The following MYO1D variants were observed in gnomAD, a reference collection of about 807,000 sequenced individuals.
MYO1D encodes myosin ID.
A neutral mutation model predicts 122.0 loss-of-function variants in MYO1D; 83 were observed. The observed-to-expected ratio is 0.68, with a 90% confidence interval of 0.57 to 0.82. The LOEUF (loss-of-function observed/expected upper bound fraction) is 0.82, where lower values mean the gene tolerates loss of function less well. Ranked by LOEUF, MYO1D falls within the 40% of genes least tolerant of loss-of-function variation. MYO1D has a pLI of 0.00. For missense variants in MYO1D, 1,157 were observed against 1,269.5 expected (o/e 0.91, Z 1.35); for synonymous variants, 464 against 446.9 (o/e 1.04, Z -0.48).
At chr17:32,821,669 C>T (rs934291333) in intron 1 of MYO1D, among the ~76,000 whole-genome samples, 4 of 152,078 alleles carry the variant, frequency 2.6e-5, no homozygotes, top group African/African-American at 9.6e-5. Flanking sequence ...AATTCAAACT[C>T]GTCCATACTA....
In MYO1D at chr17:32,695,237, A is replaced by G. The variant is rs1173518278; in HGVS notation, c.2121+16751T>C. Among the ~76,000 whole-genome samples, 6 of 152,348 alleles carry G rather than the reference A, an allele frequency of 3.9e-5. 1 individual carries two copies. Among genetic ancestry groups the G allele is most frequent in the Middle Eastern group, 6.8e-3 (2 of 294 alleles). ...GATTCTCATAAAGAGCGCACAGCCT[A>G]GATCCCTTGCATGCGCAGTTCACCA... On this transcript the variant is annotated intron_variant, in intron 16 of 21. Transcript: ENST00000318217.
At position 32,653,979 on chromosome 17, in the gene MYO1D, T is replaced by C. The variant is rs754185542; in HGVS notation, c.2491-32A>G. 1.3e-5 allele frequency: 20 copies of C among 1,542,092 alleles called. No individual in the cohort carries two copies. The Admixed American group carries it at 3.5e-4, about 27-fold the overall frequency. The stretch of plus-strand genomic sequence containing the variant: ...GAGAAAGGAAACAAGACAAAATGAG[T>C]ATGCTTAGCATTTTAGAAGGAAAGG... On this transcript the variant is annotated intron_variant, in intron 18 of 21. Transcript: ENST00000318217.
chr17:32,623,404 T>C (rs192076523), intron 20 of MYO1D, among the ~76,000 whole-genome samples: 4,696 of 152,270 alleles, frequency 0.031, 103 homozygotes, highest in Middle Eastern at 0.058. Flanking sequence ...AGGACCAGTA[T>C]AGGCCACCTC....
intron 21 of MYO1D, among the ~76,000 whole-genome samples, chr17:32,543,015 A>C (rs537216123): frequency 5.6e-4 from 85 of 152,240 alleles, no homozygotes; most frequent in Middle Eastern, 3.4e-3. Flanking sequence ...TCACGAGGTC[A>C]GGAGATCGAG....
chr17:32,768,212 T>C (rs1238704836), intron 6 of MYO1D, among the ~76,000 whole-genome samples: 2 of 152,232 alleles, frequency 1.3e-5, no homozygotes, highest in Admixed American at 1.3e-4. Context: ...GGCGGTTTAT[T>C]TTCCAGGTGA....
intron 10 of MYO1D, chr17:32,759,772 T>C (rs1485192579): frequency 8.4e-6 from 2 of 237,076 alleles, no homozygotes; most frequent in African/African-American, 4.5e-5. Flanking sequence ...AAAGATTGAT[T>C]AGAGTAGAGG....
At position 32,836,855 on chromosome 17, in the gene MYO1D, C is replaced by T. The variant is rs1408570453; in HGVS notation, c.95+39923G>A. Among the ~76,000 whole-genome samples, 3 of 152,068 alleles carry T rather than the reference C, an allele frequency of 2.0e-5. No homozygotes were observed. In the East Asian group the frequency reaches 5.8e-4, roughly 29 times the overall value. The stretch of plus-strand genomic sequence containing the variant: ...AGTTTGAATGAAGCTACTCTTTTTA[C>T]ACTTTTAAAAGTCTCTTGGTAGACA... On this transcript the variant is annotated intron_variant, in intron 1 of 21. Coordinates refer to ENST00000318217, the MANE Select transcript of MYO1D (RefSeq NM_015194.3).
At chr17:32,764,816 G>A (rs2090038188) in intron 8 of MYO1D, 62 bp downstream of exon 8, 1 of 1,522,832 alleles carries the variant, frequency 6.6e-7, no homozygotes. Flanking sequence ...ATGCTCACAG[G>A]ATTTCACTCA....
At chr17:32,571,237 G>A (rs62062513) in intron 21 of MYO1D, among the ~76,000 whole-genome samples, 39,002 of 151,928 alleles carry the variant, frequency 0.26, 5,860 homozygotes, top group South Asian at 0.39. Flanking sequence ...GGAGTGGGGC[G>A]TGGAAGCAGG....
At chr17:32,733,479 C>T (rs187532372) in intron 14 of MYO1D, among the ~76,000 whole-genome samples, 1 of 152,304 alleles carries the variant, frequency 6.6e-6, no homozygotes, top group East Asian at 1.9e-4. Context: ...TTCACACCCC[C>T]TCCACCCATG....
intron 17 of MYO1D, among the ~76,000 whole-genome samples, chr17:32,656,993 T>A (rs1000338410): frequency 2.6e-5 from 4 of 152,206 alleles, no homozygotes; most frequent in Non-Finnish European, 5.9e-5. Flanking sequence ...CACTGGGGGA[T>A]TCAGGACCTG....
intron 1 of MYO1D, among the ~76,000 whole-genome samples, chr17:32,851,157 C>T (rs2090984329): frequency 6.6e-6 from 1 of 152,138 alleles, no homozygotes; most frequent in Admixed American, 6.5e-5. Flanking sequence ...TTCACTCTCA[C>T]CTCAAGTCGA....
At position 32,763,717 on chromosome 17, in the gene MYO1D, C is replaced by T. The variant is rs539873189; in HGVS notation, c.1035+1161G>A. On this transcript the variant is annotated intron_variant, in intron 8 of 21. Coordinates refer to ENST00000318217, the MANE Select transcript of MYO1D (RefSeq NM_015194.3). ...GGTAGATCGCTTGAGGTCAGGAGTC[C>T]GAGACCAGCCTGGTCAACATGGTGA... Among the ~76,000 whole-genome samples, 101 of 152,182 alleles carry T rather than the reference C, an allele frequency of 6.6e-4. 2 individuals are homozygous for T. The highest frequency in any genetic ancestry group is 2.1e-3 in the South Asian group (10 of 4,824).
At chr17:32,825,977 A>G (rs2090718627) in intron 1 of MYO1D, among the ~76,000 whole-genome samples, 1 of 146,626 alleles carries the variant, frequency 6.8e-6, no homozygotes, top group South Asian at 2.2e-4. Context: ...TCAGCCCAGG[A>G]GTTTGAGCTT....
At chr17:32,781,242 T>C (rs2090234598) in intron 1 of MYO1D, among the ~76,000 whole-genome samples, 1 of 152,186 alleles carries the variant, frequency 6.6e-6, no homozygotes, top group South Asian at 2.1e-4. Context: ...AGTAAATTAA[T>C]ATAAACAGTA....
chr17:32,823,998 T>C (rs543344684), intron 1 of MYO1D, among the ~76,000 whole-genome samples: 68 of 135,850 alleles, frequency 5.0e-4, no homozygotes, highest in Admixed American at 4.1e-3. Flanking sequence ...ACCCGGGAGG[T>C]GGAGCTTGCA....
At chr17:32,519,602 A>G (rs1448285957) in intron 21 of MYO1D, among the ~76,000 whole-genome samples, 1 of 151,692 alleles carries the variant, frequency 6.6e-6, no homozygotes, top group African/African-American at 2.4e-5. Flanking sequence ...CCCTCCTTGC[A>G]GCCCCCCGCA....
intron 21 of MYO1D, among the ~76,000 whole-genome samples, chr17:32,507,591 A>AT (rs1264432260): frequency 6.6e-6 from 1 of 152,244 alleles, no homozygotes; most frequent in Non-Finnish European, 1.5e-5. Context: ...GTGCAGTAAA[A>AT]TTAGAAATCA....
intron 2 of MYO1D, among the ~76,000 whole-genome samples, chr17:32,779,191 G>A (rs2090210666): frequency 6.6e-6 from 1 of 151,982 alleles, no homozygotes; most frequent in African/African-American, 2.4e-5. Context: ...AATTCCACTG[G>A]TAGAAATTTC....
Sources: allele counts gnomAD v4.1 joint callset (sites outside exome capture counted in the v4.1 genomes callset), GRCh38; gene constraint gnomAD v4.1.1; transcripts MANE v1.5; gene names NCBI Gene and HGNC (gene_info 2026-07-23, HGNC 2026-07-21).